Variants in SORT1 observed in about 807,000 individuals in gnomAD.
The protein encoded by SORT1 is sortilin 1, also known as sortilin.
Under a neutral mutation model 101.7 loss-of-function variants are expected in SORT1, and 39 were observed. The ratio of observed to expected loss-of-function variants is 0.38; its 90% CI spans 0.30 to 0.50. The LOEUF is 0.50. Ranked by LOEUF, SORT1 falls within the 20% of genes least tolerant of loss-of-function variation. The pLI is 0.90. For synonymous variants in SORT1, 396 were observed against 393.7 expected (o/e 1.01, Z -0.07); for missense variants, 878 against 1,040.4 (o/e 0.84, Z 2.15).
intron 11 of SORT1, among the ~76,000 whole-genome samples, chr1:109,327,833 T>C (rs1209923519): frequency 6.6e-6 from 1 of 152,198 alleles, no homozygotes; most frequent in Non-Finnish European, 1.5e-5. Flanking sequence ...CAATCACCAA[T>C]TAAGCAACTG....
At chr1:109,334,587 C>T (rs1304334077) in intron 11 of SORT1, among the ~76,000 whole-genome samples, 1 of 152,122 alleles carries the variant, frequency 6.6e-6, no homozygotes, top group Non-Finnish European at 1.5e-5. Flanking sequence ...GATGAATAAG[C>T]TTCTGAGGGA....
At chr1:109,336,484 T>G (rs1298920088) in intron 10 of SORT1, 138 bp from the exon 11 acceptor site, 2 of 638,222 alleles carry the variant, frequency 3.1e-6, no homozygotes, top group African/African-American at 3.6e-5. Flanking sequence ...ACAAAACGGC[T>G]CATTGTTGGT....
At chr1:109,321,061 C>T (rs539793662) in intron 15 of SORT1, among the ~76,000 whole-genome samples, 2 of 152,092 alleles carry the variant, frequency 1.3e-5, no homozygotes, top group African/African-American at 2.4e-5. Context: ...CTCTCTGTTG[C>T]GAGGTTAAAT....
intron 1 of SORT1, among the ~76,000 whole-genome samples, chr1:109,374,349 G>T (rs1463709612): frequency 6.6e-6 from 1 of 152,130 alleles, no homozygotes; most frequent in Non-Finnish European, 1.5e-5. Flanking sequence ...AAGGTGGGCG[G>T]ATCACTTGAG....
chr1:109,366,975 T>C (rs1651134641), intron 3 of SORT1: 1 of 152,880 alleles, frequency 6.5e-6, no homozygotes, highest in African/African-American at 2.4e-5. Flanking sequence ...CTCCCGCCTA[T>C]AATCCCAGCA....
At position 109,345,673 on chromosome 1, in the gene SORT1, T is replaced by C. The variant is rs1649532827; in HGVS notation, c.963+78A>G. 3.7e-6 allele frequency: 5 copies of C among 1,346,854 alleles called. No individual in the cohort carries two copies. In the South Asian group the frequency reaches 6.8e-5, roughly 18 times the overall value. The allele number at this position is 1,346,854 out of a possible 1,614,324, so 83.4% of individuals were successfully genotyped here. A position where few individuals can be genotyped will look rare whatever the true frequency, so the allele number is the denominator to read the frequency against. On this transcript the variant is annotated intron_variant, in intron 8 of 19. Coordinates refer to ENST00000256637, the MANE Select transcript of SORT1 (RefSeq NM_002959.7). ...ACAAAAAGACAAGAAACTCTGTCAATGCCAAGTAATAAAGAGAATCTATAC... is the reference window on the plus strand; with the variant it reads ...ACAAAAAGACAAGAAACTCTGTCAACGCCAAGTAATAAAGAGAATCTATAC...
chr1:109,323,528 G>C (rs1387677586), intron 14 of SORT1, among the ~76,000 whole-genome samples: 4 of 152,196 alleles, frequency 2.6e-5, no homozygotes, highest in Admixed American at 2.6e-4. Flanking sequence ...CTTTGTTTAG[G>C]ACAAGATACT....
chr1:109,327,524 A>T lies in SORT1; in HGVS notation c.1449T>A (p.Asn483Lys). 6.8e-6 allele frequency: 11 copies of T among 1,610,878 alleles called. No individual in the cohort carries two copies. The highest frequency in any genetic ancestry group is 8.5e-6 in the Non-Finnish European group (10 of 1,178,576). Residue 483 changes from asparagine (N) to lysine (K), a missense_variant, in exon 12 of 20, where the codon AAT (asparagine) becomes AAA (lysine). By Grantham distance (94) the Asn-to-Lys change is moderately conservative. Coordinates refer to ENST00000256637, the MANE Select transcript of SORT1 (RefSeq NM_002959.7). ...CATGAGCAATGACAATGCCTACGGC[A>T]TTCGGCTCTGAGAGTGGGGCCATTG... ...NVPMAPLSEP[N>K]AVGIVIAHGS...
chr1:109,372,381 G>C (rs1651531319), intron 1 of SORT1, among the ~76,000 whole-genome samples: 1 of 152,208 alleles, frequency 6.6e-6, no homozygotes, highest in East Asian at 1.9e-4. Flanking sequence ...ACACAGCATA[G>C]TGCACAGTGG....
intron 15 of SORT1, among the ~76,000 whole-genome samples, chr1:109,321,664 C>T (rs571601299): frequency 2.6e-5 from 4 of 152,098 alleles, no homozygotes; most frequent in African/African-American, 7.2e-5. Context: ...CTGTCACCTG[C>T]GATTTGAGAG....
chr1:109,368,101 C>T (rs1413582279), intron 2 of SORT1, among the ~76,000 whole-genome samples: 1 of 151,882 alleles, frequency 6.6e-6, no homozygotes, highest in Admixed American at 6.6e-5. Context: ...CGAGACTAGC[C>T]TGGCTAACAT....
At chr1:109,345,932 T>A in intron 7 of SORT1, 51 bp from the exon 8 acceptor site, 1 of 1,478,376 alleles carries the variant, frequency 6.8e-7, no homozygotes, top group Non-Finnish European at 9.3e-7. Context: ...GTGAGCCTAG[T>A]TCAAAGCAGT....
chr1:109,376,518 G>C (rs962222477), intron 1 of SORT1, among the ~76,000 whole-genome samples: 16 of 138,218 alleles, frequency 1.2e-4, no homozygotes. Context: ...CAGTGGATTG[G>C]ATAAAGAAAA....
intron 1 of SORT1, among the ~76,000 whole-genome samples, chr1:109,382,512 C>G (rs886362306): frequency 6.6e-6 from 1 of 152,080 alleles, no homozygotes; most frequent in African/African-American, 2.4e-5. Flanking sequence ...TCAAAGAGCC[C>G]CTGCTACACT....
Position 109,322,978 on chromosome 1 carries a change from T to A in SORT1, c.1978A>T (p.Thr660Ser). The A allele has an allele frequency of 6.2e-7, 1 of 1,614,146 alleles. No individual in the cohort carries two copies. Among genetic ancestry groups the A allele is most frequent in the Non-Finnish European group, 8.5e-7 (1 of 1,180,040 alleles). Reference protein sequence around the residue: ...VCQNGRDYVVTKQPSICLCSL... With the variant: ...VCQNGRDYVVSKQPSICLCSL... The stretch of plus-strand genomic sequence containing the variant: ...CAGAGGCAGATGGAGGGCTGCTTGG[T>A]CACAACATAGTCTCGACCATTCTGA... The change falls in exon 15 of 20, where the codon ACC becomes TCC. Residue 660 changes from threonine to serine, a missense_variant. By Grantham distance (58) the Thr-to-Ser change is moderately conservative. Around this residue, in one of 2 missense-constraint regions of SORT1, gnomAD observed 684 missense variants for 894.5 expected, o/e 0.76. Transcript: ENST00000256637.
At chr1:109,342,724 C>G (rs1000281802) in intron 8 of SORT1, among the ~76,000 whole-genome samples, 10 of 152,060 alleles carry the variant, frequency 6.6e-5, no homozygotes, top group Non-Finnish European at 1.3e-4. Context: ...CAGGCATGGG[C>G]TGGAAAGAGG....
chr1:109,324,878 A>G, intron 14 of SORT1, 21 bp downstream of exon 14: 1 of 1,507,436 alleles, frequency 6.6e-7, no homozygotes, highest in Non-Finnish European at 9.0e-7. Context: ...TCTGGTAGAA[A>G]AGGTCAAAGG....
chr1:109,314,235 T>A, intron 19 of SORT1, 26 bp downstream of exon 19: 11 of 1,298,742 alleles, frequency 8.5e-6, no homozygotes, highest in Non-Finnish European at 1.2e-5. Flanking sequence ...GGGGGGGTAC[T>A]ACCATTCAAG....
intron 15 of SORT1, among the ~76,000 whole-genome samples, chr1:109,319,228 C>T (rs1647455479): frequency 6.6e-6 from 1 of 152,186 alleles, no homozygotes; most frequent in African/African-American, 2.4e-5. Flanking sequence ...TCCATTCTAC[C>T]CCATCTCTCC....
Sources: gnomAD v4.1 joint callset for allele counts (sites outside exome capture counted in the v4.1 genomes callset) on GRCh38, gnomAD v4.1.1 for gene constraint, gnomAD v4.1.1 regional missense constraint, MANE v1.5 for transcripts, NCBI Gene and HGNC (gene_info 2026-07-23, HGNC 2026-07-21) for gene names.